ADAMTSL1: variants seen among roughly 807,000 people sequenced by gnomAD.
The protein encoded by ADAMTSL1 is ADAMTS like 1, also known as ADAMTS-like protein 1.
In ADAMTSL1, 126 loss-of-function variants were observed where a neutral mutation model predicts 201.8. The observed-to-expected ratio is 0.62, with a 90% confidence interval of 0.54 to 0.72. The LOEUF (loss-of-function observed/expected upper bound fraction) is 0.72, where lower values mean the gene tolerates loss of function less well. Ranked by LOEUF, ADAMTSL1 falls within the 30% of genes least tolerant of loss-of-function variation. The pLI, the probability that ADAMTSL1 is intolerant of heterozygous loss-of-function variation, is 0.00. For missense variants in ADAMTSL1, 2,679 were observed against 2,277.8 expected (o/e 1.18, Z -3.59); for synonymous variants, 1,121 against 903.4 (o/e 1.24, Z -4.32).
At chr9:18,581,233 G>C (rs1823071124) in intron 4 of ADAMTSL1, among the ~76,000 whole-genome samples, 1 of 152,080 alleles carries the variant, frequency 6.6e-6, no homozygotes, top group African/African-American at 2.4e-5. Flanking sequence ...TCTACCCTCT[G>C]TGTCTGTGTC....
At position 18,318,790 on chromosome 9, in the gene ADAMTSL1, G is replaced by C. The variant is rs977444901; in HGVS notation, c.207+154809G>C. ...GTGATTCAGATTCAGCAAGTCTAACGGCTGAAGGATATTATATGGATGTGT... is the reference window on the plus strand; with the variant it reads ...GTGATTCAGATTCAGCAAGTCTAACCGCTGAAGGATATTATATGGATGTGT... On this transcript the variant is annotated intron_variant, in intron 2 of 29. Transcript: ENST00000680146. 2.0e-5 allele frequency among the ~76,000 whole-genome samples: 3 copies of C among 152,144 alleles called. No individual in the cohort carries two copies. The South Asian group carries it at 6.3e-4, about 32-fold the overall frequency.
intron 1 of ADAMTSL1, among the ~76,000 whole-genome samples, chr9:18,485,152 T>G (rs1380947703): frequency 6.6e-6 from 1 of 152,160 alleles, no homozygotes; most frequent in Non-Finnish European, 1.5e-5. Flanking sequence ...GTAACATGCC[T>G]AAGATCACTC....
intron 2 of ADAMTSL1, among the ~76,000 whole-genome samples, chr9:18,180,359 C>T (rs952229085): frequency 3.3e-5 from 5 of 151,856 alleles, no homozygotes. Context: ...CGGTGAAACC[C>T]CGTCTCTACT....
chr9:18,254,345 G>GTTTTTTTTTTTTTTTTT lies in ADAMTSL1; in HGVS notation c.207+90383_207+90399dup, dbSNP rs59026505. Among the ~76,000 whole-genome samples the GTTTTTTTTTTTTTTTTT allele has an allele frequency of 1.8e-4, 9 of 49,364 alleles. 2 individuals carry two copies. Among genetic ancestry groups the GTTTTTTTTTTTTTTTTT allele is most frequent in the Admixed American group, 1.5e-3 (4 of 2,606 alleles). 32.4% of individuals were successfully genotyped at this position (49,364 alleles called of 152,430 possible). On this transcript the variant is annotated intron_variant, in intron 2 of 29. Coordinates refer to the ADAMTSL1 transcript ENST00000680146. ...GGAACTACCGTCAATACTCTTTTTG[G>GTTTTTTTTTTTTTTTTT]TTTTTTTTTTTTTTTTTTTTTTTTT...
chr9:18,106,573 A>C (rs1447389491), intron 1 of ADAMTSL1, among the ~76,000 whole-genome samples: 1 of 152,226 alleles, frequency 6.6e-6, no homozygotes, highest in African/African-American at 2.4e-5. Flanking sequence ...ATCTCTGTCT[A>C]TCTGGCTTTA....
At chr9:18,430,574 A>G (rs144645769) in intron 2 of ADAMTSL1, among the ~76,000 whole-genome samples, 95 of 152,306 alleles carry the variant, frequency 6.2e-4, no homozygotes, top group African/African-American at 2.2e-3. Context: ...AAAGGGTTTC[A>G]TGTGACTTAC....
chr9:18,214,033 C>T (rs1448660562), intron 2 of ADAMTSL1, among the ~76,000 whole-genome samples: 1 of 152,068 alleles, frequency 6.6e-6, no homozygotes. Flanking sequence ...CACCGCCCCT[C>T]GCCCAAAGAA....
At chr9:18,878,538 C>A (rs1828317095) in intron 23 of ADAMTSL1, among the ~76,000 whole-genome samples, 2 of 152,212 alleles carry the variant, frequency 1.3e-5, no homozygotes, top group Non-Finnish European at 2.9e-5. Flanking sequence ...AAGGTCAAAT[C>A]CTTCTCCTGT....
In ADAMTSL1 at chr9:18,805,784, A is replaced by G. The variant is rs182351373; in HGVS notation, c.3805+10260A>G. On this transcript the variant is annotated intron_variant, in intron 20 of 28. Transcript: ENST00000380548. Reference sequence around the variant, plus strand: ...CGTATCTGCACAGTACTCCAGGAAAACTCTGTCAGTCATTAGATTTGGCTT... The same window carrying G: ...CGTATCTGCACAGTACTCCAGGAAAGCTCTGTCAGTCATTAGATTTGGCTT... 9.2e-5 allele frequency among the ~76,000 whole-genome samples: 14 copies of G among 151,990 alleles called. No individual in the cohort carries two copies. In the East Asian group the frequency reaches 2.7e-3, roughly 29 times the overall value.
intron 23 of ADAMTSL1, among the ~76,000 whole-genome samples, chr9:18,852,156 A>T (rs1826538421): frequency 6.6e-6 from 1 of 152,086 alleles, no homozygotes; most frequent in South Asian, 2.1e-4. Flanking sequence ...CTTGCATAGC[A>T]CTGTAGTTGG....
intron 1 of ADAMTSL1, among the ~76,000 whole-genome samples, chr9:17,937,941 A>AG (rs1588445139): frequency 6.6e-6 from 1 of 152,120 alleles, no homozygotes; most frequent in African/African-American, 2.4e-5. Context: ...AAGTATGAGG[A>AG]GGGGGGAAGG....
intron 3 of ADAMTSL1, among the ~76,000 whole-genome samples, chr9:18,538,665 G>A (rs952881823): frequency 6.6e-6 from 1 of 152,294 alleles, no homozygotes; most frequent in Non-Finnish European, 1.5e-5. Context: ...CTGTACAATT[G>A]ACCATCCATC....
At chr9:18,735,250 A>G (rs894208609) in intron 15 of ADAMTSL1, among the ~76,000 whole-genome samples, 4 of 152,202 alleles carry the variant, frequency 2.6e-5, no homozygotes, top group Non-Finnish European at 4.4e-5. Context: ...TGCAATCCCA[A>G]TGACTTGCCG....
At chr9:18,900,517 GGAAT>G (rs1443018118) in intron 26 of ADAMTSL1, among the ~76,000 whole-genome samples, 1 of 152,126 alleles carries the variant, frequency 6.6e-6, no homozygotes, top group African/African-American at 2.4e-5. Flanking sequence ...GCAAAGGCAT[GGAAT>G]CAACCCAAAT....
chr9:18,782,337 C>CT (rs1430051294), intron 19 of ADAMTSL1, among the ~76,000 whole-genome samples: 2 of 152,192 alleles, frequency 1.3e-5, no homozygotes, highest in African/African-American at 4.8e-5. Context: ...ATAAATGAAA[C>CT]TATGTTCCCT....
At chr9:18,884,482 T>C (rs183956755) in intron 23 of ADAMTSL1, among the ~76,000 whole-genome samples, 26 of 152,282 alleles carry the variant, frequency 1.7e-4, no homozygotes, top group Non-Finnish European at 2.5e-4. Flanking sequence ...TAAGAAATCA[T>C]TGCCAAACCC....
Position 18,908,523 on chromosome 9 carries a change from G to C in ADAMTSL1, c.5264G>C (p.Cys1755Ser), listed in dbSNP as rs1278064002. ...LCQLSQFKSRCCGTCGKA is the reference protein window; with the variant it reads ...LCQLSQFKSRSCGTCGKA Reference sequence around the variant, plus strand: ...CAACTCAGCCAGTTTAAATCTCGCTGCTGTGGAACTTGTGGCAAAGCGTGA... The same window carrying C: ...CAACTCAGCCAGTTTAAATCTCGCTCCTGTGGAACTTGTGGCAAAGCGTGA... Residue 1755 changes from cysteine to serine, a missense_variant, in exon 29 of 29, where the codon TGC becomes TCC. Coordinates refer to ENST00000380548, the MANE Select transcript of ADAMTSL1 (RefSeq NM_001040272.6). 6.4e-7 allele frequency: 1 copy of C among 1,562,786 alleles called. No individual in the cohort carries two copies. The highest frequency in any genetic ancestry group is 1.4e-5 in the African/African-American group (1 of 73,574).
In ADAMTSL1 at chr9:18,579,502, AT is replaced by A. The variant is rs760388953; in HGVS notation, c.474+5237del. Among the ~76,000 whole-genome samples, 471 of 151,904 alleles carry A rather than the reference AT, an allele frequency of 3.1e-3. 3 individuals carry two copies. Among genetic ancestry groups the A allele is most frequent in the South Asian group, 0.011 (51 of 4,806 alleles). Reference sequence around the variant, plus strand: ...CTAAAACTTAAAGTATAATTAAAAAATAAATAAATAAAAAAAATAAAGTGCT... The same window carrying A: ...CTAAAACTTAAAGTATAATTAAAAAAAAATAAATAAAAAAAATAAAGTGCT... On this transcript the variant is annotated intron_variant, in intron 4 of 28. Coordinates refer to ENST00000380548, the MANE Select transcript of ADAMTSL1 (RefSeq NM_001040272.6).
chr9:18,431,569 C>G (rs910574411), intron 2 of ADAMTSL1, among the ~76,000 whole-genome samples: 2 of 152,170 alleles, frequency 1.3e-5, no homozygotes, highest in Admixed American at 6.5e-5. Context: ...GGTCATTAGT[C>G]CAAACTGCCA....
Sources: gnomAD v4.1 joint callset for allele counts (sites outside exome capture counted in the v4.1 genomes callset) on GRCh38, gnomAD v4.1.1 for gene constraint, MANE v1.5 for transcripts, NCBI Gene and HGNC (gene_info 2026-07-23, HGNC 2026-07-21) for gene names.